The following ADH7 variants were observed in gnomAD, a reference collection of about 807,000 sequenced individuals.
The protein encoded by ADH7 is alcohol dehydrogenase 7 (class IV), mu or sigma polypeptide, also known as all-trans-retinol dehydrogenase [NAD(+)] ADH7.
In ADH7, 41 loss-of-function variants were observed where a neutral mutation model predicts 34.4. The observed-to-expected ratio is 1.19, with a 90% CI of 0.93 to 1.55. ADH7 has a LOEUF of 1.55. Among genes scored for constraint, ADH7 ranks in the 40% most tolerant of loss-of-function variants. ADH7 has a pLI of 0.00. For synonymous variants in ADH7, 180 were observed against 160.9 expected, an observed-to-expected ratio of 1.12 and a Z score of -0.90; for missense variants, 540 against 461.2, an observed-to-expected ratio of 1.17 and a Z score of -1.56.
intron 5 of ADH7, among the ~76,000 whole-genome samples, chr4:99,424,768 A>AT (rs1434702058): frequency 6.6e-6 from 1 of 152,034 alleles, no homozygotes; most frequent in Non-Finnish European, 1.5e-5. Flanking sequence ...GCTTAAGGAG[A>AT]TTTTGGGCTG....
At chr4:99,417,934 C>T (rs1484229206) in intron 7 of ADH7, among the ~76,000 whole-genome samples, 1 of 152,184 alleles carries the variant, frequency 6.6e-6, no homozygotes, top group East Asian at 1.9e-4. Context: ...CAACTAGCCT[C>T]TTGCTTTTTT....
intron 7 of ADH7, among the ~76,000 whole-genome samples, chr4:99,416,444 G>A (rs1224517214): frequency 2.0e-5 from 3 of 152,062 alleles, no homozygotes; most frequent in Non-Finnish European, 2.9e-5. Context: ...GAACTGTTAG[G>A]TATAACTGAT....
chr4:99,423,785 G>T (rs1721729784), intron 5 of ADH7, among the ~76,000 whole-genome samples: 1 of 152,118 alleles, frequency 6.6e-6, no homozygotes, highest in African/African-American at 2.4e-5. Flanking sequence ...TTAGCCCTTT[G>T]TCAGATGAGT....
chr4:99,420,795 T>C lies in ADH7; in HGVS notation c.565-2A>G, dbSNP rs374082516. On this transcript the variant is annotated splice_acceptor_variant, in intron 5 of 8. Coordinates refer to ENST00000437033, the MANE Select transcript of ADH7 (RefSeq NM_000673.7). LOFTEE classifies it high-confidence loss of function. ...GACGCAAGTGGAACCAGGTTTGACC[T>C]GTGGAGAGGAATGTTCTTGAACATG... is the stretch of plus-strand genomic sequence containing the variant. The C allele has an allele frequency of 1.9e-6, 3 of 1,613,576 alleles. No homozygotes were observed. The highest frequency in any genetic ancestry group is 2.5e-6 in the Non-Finnish European group (3 of 1,179,738).
intron 5 of ADH7, among the ~76,000 whole-genome samples, chr4:99,426,387 A>G (rs284798): frequency 1.7e-3 from 254 of 152,212 alleles, no homozygotes; most frequent in Non-Finnish European, 3.0e-3. Flanking sequence ...TATCACCACC[A>G]ATCCCACAGA....
chr4:99,425,292 A>G (rs1357924583), intron 5 of ADH7, among the ~76,000 whole-genome samples: 1 of 152,174 alleles, frequency 6.6e-6, no homozygotes. Flanking sequence ...GAGACCCATC[A>G]GTGTGCTGTA....
At chr4:99,421,762 G>T (rs1033439563) in intron 5 of ADH7, among the ~76,000 whole-genome samples, 5 of 152,058 alleles carry the variant, frequency 3.3e-5, no homozygotes, top group African/African-American at 1.2e-4. Context: ...TCTGACAAAG[G>T]TCTAATATGC....
At chr4:99,433,487 C>A (rs1451097396) in intron 1 of ADH7, among the ~76,000 whole-genome samples, 1 of 152,014 alleles carries the variant, frequency 6.6e-6, no homozygotes. Context: ...TCCAAATTTT[C>A]TAGAATAATC....
rs1049766738 is a variant in ADH7, at chr4:99,419,093, T to G, written c.854A>C (p.Asn285Thr). The change falls in exon 7 of 9, where the codon AAC (asparagine) becomes ACC (threonine). Residue 285 changes from asparagine to threonine, a missense_variant. Coordinates refer to ENST00000437033, the MANE Select transcript of ADH7 (RefSeq NM_000673.7). The part of the protein sequence containing the change: ...MIDALASCHM[N>T]YGTSVVVGVP... ...TCCTACAACCACGCTGGTCCCATAG[T>G]TCATGTGGCAGGATGCCAGGGCATC... 6.2e-7 allele frequency: 1 copy of G among 1,613,764 alleles called. No individual in the cohort carries two copies. Among genetic ancestry groups the G allele is most frequent in the African/African-American group, 1.3e-5 (1 of 75,016 alleles).
Position 99,429,612 on chromosome 4 carries a change from C to A in ADH7, c.40G>T (p.Val14Leu). 1 of 1,610,498 alleles carries A rather than the reference C, an allele frequency of 6.2e-7. No homozygotes were observed. The highest frequency in any genetic ancestry group is 8.5e-7 in the Non-Finnish European group (1 of 1,178,086). ...AGKVIKCKAA[V>L]LWEQKQPFSI... The stretch of plus-strand genomic sequence containing the variant: ...AAGGGTTGCTTCTGCTCCCAAAGCA[C>A]AGCTGCTTTGCATTTAATAACCTAA... The change falls in exon 2 of 9, where the codon GTG (valine) becomes TTG (leucine). Residue 14 changes from valine (V) to leucine (L), a missense_variant. By Grantham distance (32) the Val-to-Leu change is conservative. Coordinates refer to ENST00000437033, the MANE Select transcript of ADH7 (RefSeq NM_000673.7).
chr4:99,427,123 T>C (rs780406764), intron 5 of ADH7, among the ~76,000 whole-genome samples: 1 of 152,182 alleles, frequency 6.6e-6, no homozygotes, highest in South Asian at 2.1e-4. Context: ...TGAAATTTCA[T>C]GTGATTAACT....
chr4:99,435,237 G>C lies in ADH7; in HGVS notation c.-4C>G, dbSNP rs1247173392. On this transcript the variant is annotated 5_prime_UTR_variant, in exon 1 of 9. Transcript: ENST00000437033. ...TTACTTTTCCAGCAGTGCCCATCCT[G>C]TCTTTGTCTTGGATCTGTATTTCTG... 3 of 1,613,430 alleles carry C rather than the reference G, an allele frequency of 1.9e-6. No individual in the cohort carries two copies. Among genetic ancestry groups the C allele is most frequent in the Non-Finnish European group, 2.5e-6 (3 of 1,179,742 alleles).
Position 99,412,893 on chromosome 4 carries a change from C to T in ADH7, c.*255G>A. On this transcript the variant is annotated 3_prime_UTR_variant, in exon 9 of 9. Transcript: ENST00000437033. Reference sequence around the variant, plus strand: ...ACATAGAAATCCAAGTGTATGTTTTCTTAAAAGATACAATTATAGCCTTAC... The same window carrying T: ...ACATAGAAATCCAAGTGTATGTTTTTTTAAAAGATACAATTATAGCCTTAC... 2 of 378,196 alleles carry T rather than the reference C, an allele frequency of 5.3e-6. No individual in the cohort carries two copies. Among genetic ancestry groups the T allele is most frequent in the South Asian group, 6.3e-5 (1 of 15,824 alleles). 23.4% of individuals were successfully genotyped at this position (378,196 alleles called of 1,614,324 possible).
At chr4:99,428,777 C>A in intron 2 of ADH7, 147 bp from the exon 3 acceptor site, 1 of 1,023,426 alleles carries the variant, frequency 9.8e-7, no homozygotes, top group Non-Finnish European at 1.4e-6. Flanking sequence ...TATTCTGAGC[C>A]AAAAATCAAC....
intron 5 of ADH7, among the ~76,000 whole-genome samples, chr4:99,427,055 G>A (rs191854496): frequency 1.6e-4 from 25 of 152,230 alleles, no homozygotes; most frequent in Middle Eastern, 3.4e-3. Context: ...TTGATGGGAC[G>A]TATCTCAAAA....
chr4:99,428,679 C>T (rs753898989), intron 2 of ADH7, 49 bp from the exon 3 acceptor site: 2 of 1,576,378 alleles, frequency 1.3e-6, no homozygotes, highest in Non-Finnish European at 1.7e-6. Context: ...CTGATCATTT[C>T]ACTGTTGGGA....
At position 99,420,603 on chromosome 4, in the gene ADH7, T is replaced by C; in HGVS notation, c.755A>G (p.Glu252Gly). ...SPKDSTKPISEVLSEMTGNNV... is the reference protein window; with the variant it reads ...SPKDSTKPISGVLSEMTGNNV... ...GTTGCCTGTCATTTCTGACAGCACCTCACTGATGGGTTTGGTAGAGTCCTT... is the reference window on the plus strand; with the variant it reads ...GTTGCCTGTCATTTCTGACAGCACCCCACTGATGGGTTTGGTAGAGTCCTT... The change falls in exon 6 of 9, where the codon GAG (glutamate) becomes GGG (glycine). Residue 252 changes from glutamate (E) to glycine (G), a missense_variant. Coordinates refer to ENST00000437033, the MANE Select transcript of ADH7 (RefSeq NM_000673.7). The C allele has an allele frequency of 6.2e-7, 1 of 1,613,958 alleles. No homozygotes were observed.
chr4:99,417,838 AG>A (rs1262444427), intron 7 of ADH7, among the ~76,000 whole-genome samples: 1 of 152,184 alleles, frequency 6.6e-6, no homozygotes, highest in Non-Finnish European at 1.5e-5. Context: ...CAAAGCAAGG[AG>A]GTTCAACTTC....
At chr4:99,417,573 T>C (rs1721549344) in intron 7 of ADH7, among the ~76,000 whole-genome samples, 1 of 152,180 alleles carries the variant, frequency 6.6e-6, no homozygotes, top group Non-Finnish European at 1.5e-5. Flanking sequence ...TTTGCACTTG[T>C]AACCTTATGG....
Sources: allele counts gnomAD v4.1 joint callset (sites outside exome capture counted in the v4.1 genomes callset), GRCh38; gene constraint gnomAD v4.1.1; transcripts MANE v1.5; gene names NCBI Gene and HGNC (gene_info 2026-07-23, HGNC 2026-07-21).